CCDC30: variants seen among roughly 807,000 people sequenced by gnomAD.
The protein encoded by CCDC30 is coiled-coil domain containing 30.
In CCDC30, 70 loss-of-function variants were observed where a neutral mutation model predicts 100.2. The observed-to-expected ratio is 0.70, with a 90% confidence interval of 0.58 to 0.85. CCDC30 has a LOEUF of 0.85. Among genes scored for constraint, CCDC30 ranks in the 40% least tolerant of loss-of-function variants. CCDC30 has a pLI of 0.00. For synonymous variants in CCDC30, 233 were observed against 269.5 expected (o/e 0.86, Z 1.33); for missense variants, 652 against 771.2 (o/e 0.85, Z 1.83).
chr1:42,640,678 G>T (rs1431119067), intron 12 of CCDC30, among the ~76,000 whole-genome samples: 1 of 140,964 alleles, frequency 7.1e-6, no homozygotes, highest in Non-Finnish European at 1.6e-5. Flanking sequence ...TGCATCATCT[G>T]AGGTCAGGAG....
At chr1:42,613,766 G>A (rs1474837919) in intron 11 of CCDC30, among the ~76,000 whole-genome samples, 1 of 152,094 alleles carries the variant, frequency 6.6e-6, no homozygotes, top group African/African-American at 2.4e-5. Context: ...TGCCATATTG[G>A]TTTTGGCTGG....
intron 6 of CCDC30, among the ~76,000 whole-genome samples, chr1:42,565,944 C>T (rs1166849418): frequency 2.0e-5 from 3 of 152,098 alleles, no homozygotes; most frequent in Non-Finnish European, 4.4e-5. Context: ...CACATTCACA[C>T]TCTACTTCTT....
chr1:42,606,219 G>C (rs1646499042), intron 10 of CCDC30, among the ~76,000 whole-genome samples: 2 of 152,136 alleles, frequency 1.3e-5, no homozygotes, highest in South Asian at 4.1e-4. Flanking sequence ...ATTAACTATA[G>C]TACACACTGT....
chr1:42,475,083 G>A (rs1366306572), intron 1 of CCDC30, among the ~76,000 whole-genome samples: 2 of 152,032 alleles, frequency 1.3e-5, no homozygotes, highest in Non-Finnish European at 2.9e-5. Context: ...AACCTGGTAT[G>A]TTGATAGAAA....
intron 1 of CCDC30, among the ~76,000 whole-genome samples, chr1:42,472,382 A>G (rs1205748529): frequency 3.3e-5 from 5 of 152,216 alleles, no homozygotes; most frequent in Admixed American, 6.5e-5. Flanking sequence ...AAAAAAATTG[A>G]TATTGATAGC....
At chr1:42,608,518 C>T (rs113934919) in intron 10 of CCDC30, among the ~76,000 whole-genome samples, 2 of 151,672 alleles carry the variant, frequency 1.3e-5, no homozygotes, top group East Asian at 1.9e-4. Flanking sequence ...TGGCTAACAC[C>T]GTGAAACCCG....
chr1:42,537,198 G>T (rs1473993590), intron 6 of CCDC30: 1 of 456,216 alleles, frequency 2.2e-6, no homozygotes, highest in Non-Finnish European at 4.4e-6. Flanking sequence ...ATAGAGTCAT[G>T]GGCTTATCGC....
At chr1:42,514,525 G>A (rs1569873771) in intron 6 of CCDC30, among the ~76,000 whole-genome samples, 1 of 152,168 alleles carries the variant, frequency 6.6e-6, no homozygotes, top group Middle Eastern at 3.4e-3. Flanking sequence ...GTGCTTGTTA[G>A]CCATTTGCAT....
intron 6 of CCDC30, among the ~76,000 whole-genome samples, chr1:42,505,416 A>G (rs1007920105): frequency 9.2e-5 from 14 of 152,188 alleles, no homozygotes; most frequent in South Asian, 6.2e-4. Flanking sequence ...AAATGTAGGG[A>G]AAAAAAACTT....
chr1:42,456,458 G>A, the CCDC30 span: 2 of 1,188,112 alleles, frequency 1.7e-6, no homozygotes, highest in Non-Finnish European at 1.1e-6. Context: ...CAAAAGAAGG[G>A]TAGTGAACCG....
chr1:42,642,437 C>G, intron 12 of CCDC30, 36 bp from the exon 17 acceptor site: 1 of 1,438,350 alleles, frequency 7.0e-7, no homozygotes, highest in Non-Finnish European at 9.2e-7. Flanking sequence ...CATACTTTCT[C>G]CTGCTGTGGT....
upstream of CCDC30, among the ~76,000 whole-genome samples, chr1:42,458,247 A>C (rs1196956987): frequency 1.3e-5 from 2 of 152,230 alleles, no homozygotes; most frequent in Non-Finnish European, 2.9e-5. Flanking sequence ...CATCAGTATG[A>C]AAGACGAAGT....
At chr1:42,520,971 C>A (rs1452397282) in intron 6 of CCDC30, among the ~76,000 whole-genome samples, 1 of 99,488 alleles carries the variant, frequency 1.0e-5, no homozygotes, top group Non-Finnish European at 2.5e-5. Flanking sequence ...TAAGTATTTT[C>A]TTTTTTCTTT....
the CCDC30 span, chr1:42,456,826 C>T: frequency 8.7e-6 from 14 of 1,613,498 alleles, no homozygotes; most frequent in Middle Eastern, 1.6e-4. Flanking sequence ...ATCGCGCTCG[C>T]TCTGCCTTCC....
At chr1:42,546,399 AATATATATATAT>A (rs66804938) in intron 6 of CCDC30, among the ~76,000 whole-genome samples, 1 of 11,990 alleles carries the variant, frequency 8.3e-5, no homozygotes, top group Non-Finnish European at 2.1e-4. Flanking sequence ...AAAAAAAAAA[AATATATATATAT>A]ATATATATAT....
At chr1:42,459,895 G>A (rs767257417), upstream of CCDC30, 7 of 1,612,210 alleles carry the variant, frequency 4.3e-6, no homozygotes, top group South Asian at 3.3e-5. Flanking sequence ...CTTCAGTCTC[G>A]ACACACAGCT....
chr1:42,637,095 G>A (rs1441769049), intron 11 of CCDC30, 142 bp from the exon 16 acceptor site: 1 of 586,000 alleles, frequency 1.7e-6, no homozygotes, highest in African/African-American at 2.0e-5. Flanking sequence ...GCAAGAAGAT[G>A]TGAGGCAGGA....
chr1:42,653,286 G>A (rs568583716), intron 15 of CCDC30, 90 bp from the exon 20 acceptor site: 6 of 623,558 alleles, frequency 9.6e-6, no homozygotes, highest in Admixed American at 9.4e-5. Flanking sequence ...TGCAGGTATT[G>A]TATCTATTAT....
intron 11 of CCDC30, among the ~76,000 whole-genome samples, chr1:42,632,485 C>T (rs1000888271): frequency 2.0e-4 from 30 of 151,242 alleles, no homozygotes; most frequent in African/African-American, 6.8e-4. Flanking sequence ...TAAATAAGGC[C>T]GGGGGCGGTA....
Sources: gnomAD v4.1 joint callset for allele counts (sites outside exome capture counted in the v4.1 genomes callset) on GRCh38, gnomAD v4.1.1 for gene constraint, MANE v1.5 for transcripts, NCBI Gene and HGNC (gene_info 2026-07-23, HGNC 2026-07-21) for gene names.